The following KCNQ1 variants were observed in gnomAD, a reference collection of about 807,000 sequenced individuals.
KCNQ1 encodes potassium voltage-gated channel subfamily Q member 1.
Under a neutral mutation model 72.4 loss-of-function variants are expected in KCNQ1, and 49 were observed. The ratio of observed to expected loss-of-function variants is 0.68; its 90% CI spans 0.54 to 0.86. KCNQ1 has a LOEUF of 0.86. Ranked by LOEUF, KCNQ1 falls within the 40% of genes least tolerant of loss-of-function variation. The pLI, the probability that KCNQ1 is intolerant of heterozygous loss-of-function variation, is 0.00. For missense variants in KCNQ1, 790 were observed against 945.1 expected (o/e 0.84, Z 2.15); for synonymous variants, 450 against 412.6 (o/e 1.09, Z -1.10).
intron 11 of KCNQ1, chr11:2,684,504 C>T: frequency 2.5e-6 from 1 of 398,660 alleles, no homozygotes; most frequent in Non-Finnish European, 4.4e-6. Flanking sequence ...TTCTATTCCT[C>T]CTATTCCACT....
At chr11:2,560,307 C>T (rs1274939486) in intron 2 of KCNQ1, among the ~76,000 whole-genome samples, 1 of 45,830 alleles carries the variant, frequency 2.2e-5, no homozygotes, top group African/African-American at 9.7e-5. Context: ...GGGGCGGTGA[C>T]GTCCATCCTG....
chr11:2,720,739 A>C lies in KCNQ1; in HGVS notation c.1515-48105A>C, dbSNP rs1851188427. 6.6e-6 allele frequency among the ~76,000 whole-genome samples: 1 copy of C among 152,084 alleles called. No homozygotes were observed. Among genetic ancestry groups the C allele is most frequent in the South Asian group, 2.1e-4 (1 of 4,808 alleles). On this transcript the variant is annotated intron_variant, in intron 11 of 15. Transcript: ENST00000155840. This position sits in a 1 kb window ranked among gnomAD's most constrained non-coding sequence, Gnocchi z 5.1. Reference sequence around the variant, plus strand: ...CTCCCAGAACCTAGGAGTCCATGCTACCTGTGGGGTTCATAGTGTGTCCCT... The same window carrying C: ...CTCCCAGAACCTAGGAGTCCATGCTCCCTGTGGGGTTCATAGTGTGTCCCT...
intron 10 of KCNQ1, chr11:2,640,512 C>T (rs1849556315): frequency 2.5e-6 from 1 of 397,888 alleles, no homozygotes; most frequent in South Asian, 1.3e-4. Flanking sequence ...TCTTGAATTC[C>T]TGGGCTCAAG....
rs1319581421 is a variant in KCNQ1 at position 2,784,779 on chromosome 11, G to C, written c.1794+6742G>C. Among the ~76,000 whole-genome samples the C allele has an allele frequency of 1.3e-5, 2 of 151,826 alleles. No individual in the cohort carries two copies. Among genetic ancestry groups the C allele is most frequent in the Non-Finnish European group, 3.0e-5 (2 of 67,796 alleles). ...ACATTTACTCCTAAATATTTTATTT[G>C]TCATGCTAGTGTTAATGGAATTGTT... On this transcript the variant is annotated intron_variant, in intron 15 of 15. Coordinates refer to ENST00000155840, the MANE Select transcript of KCNQ1 (RefSeq NM_000218.3). The surrounding 1 kb of genome is among the most constrained non-coding windows in gnomAD (Gnocchi z 4.7).
intron 15 of KCNQ1, 98 bp from the exon 16 acceptor site, chr11:2,847,669 C>T: frequency 8.7e-7 from 1 of 1,153,048 alleles, no homozygotes; most frequent in Non-Finnish European, 1.3e-6. Flanking sequence ...AGACGGTTGG[C>T]ACCTTCCCTT....
chr11:2,770,290 T>C (rs949915014), intron 12 of KCNQ1, among the ~76,000 whole-genome samples: 10 of 152,194 alleles, frequency 6.6e-5, no homozygotes, highest in African/African-American at 2.2e-4. Context: ...CAGGCAGCCC[T>C]GGGCAAGTTC....
At chr11:2,632,203 AG>A (rs1849369057) in intron 10 of KCNQ1, 6 of 397,372 alleles carry the variant, frequency 1.5e-5, no homozygotes, top group South Asian at 1.3e-4. Context: ...AAAAAAAAAA[AG>A]AAATGCAACT....
At chr11:2,583,968 C>T (rs1300731590) in intron 7 of KCNQ1, among the ~76,000 whole-genome samples, 1 of 152,110 alleles carries the variant, frequency 6.6e-6, no homozygotes, top group Non-Finnish European at 1.5e-5. Flanking sequence ...GTGTCTAGTT[C>T]ACAATGCCTG....
intron 6 of KCNQ1, among the ~76,000 whole-genome samples, chr11:2,580,259 G>C (rs59171663): frequency 0.059 from 8,890 of 151,692 alleles, 834 homozygotes; most frequent in African/African-American, 0.2. Context: ...CGGCTGCCTC[G>C]GGAGGCAGCC....
At chr11:2,831,230 G>A (rs970138697) in intron 15 of KCNQ1, among the ~76,000 whole-genome samples, 6 of 152,216 alleles carry the variant, frequency 3.9e-5, no homozygotes, top group African/African-American at 1.4e-4. Flanking sequence ...AGGGCAGGAT[G>A]TCCCTGAGGA....
chr11:2,573,783 C>T (rs935779269), intron 6 of KCNQ1, among the ~76,000 whole-genome samples: 2 of 152,134 alleles, frequency 1.3e-5, no homozygotes, highest in South Asian at 4.1e-4. Flanking sequence ...TGTCTTGGGC[C>T]GTGTCTGTGG....
rs1848396493 is a variant in KCNQ1, at chr11:2,848,764, G to C, written c.*761G>C. 1 of 453,972 alleles carries C rather than the reference G, an allele frequency of 2.2e-6. No individual in the cohort carries two copies. The highest frequency in any genetic ancestry group is 2.0e-5 in the African/African-American group (1 of 49,992). 28.1% of individuals were successfully genotyped at this position (453,972 alleles called of 1,614,324 possible). On this transcript the variant is annotated 3_prime_UTR_variant, in exon 16 of 16. Coordinates refer to ENST00000155840, the MANE Select transcript of KCNQ1 (RefSeq NM_000218.3). ...GCTCCCGCCTCCAACCCCTCGCCCA[G>C]TCCCAGCAGCCAGCCAAACACACAG...
intron 1 of KCNQ1, among the ~76,000 whole-genome samples, chr11:2,466,163 G>A (rs1165842052): frequency 1.3e-5 from 2 of 152,220 alleles, no homozygotes; most frequent in Non-Finnish European, 2.9e-5. Context: ...AGCTGGAACA[G>A]TGACCTTCGT....
In KCNQ1 at chr11:2,507,632, A is replaced by T. The variant is rs999837048; in HGVS notation, c.387-20296A>T. ...ACATGTTATTTTGGAGGTGTTTGTG[A>T]GGCAGCCAGGTGAGGTGGGTTGAAG... On this transcript the variant is annotated intron_variant, in intron 1 of 15. Coordinates refer to ENST00000155840, the MANE Select transcript of KCNQ1 (RefSeq NM_000218.3). The surrounding 1 kb of genome is among the most constrained non-coding windows in gnomAD (Gnocchi z 5.4). Among the ~76,000 whole-genome samples, 1 of 152,064 alleles carries T rather than the reference A, an allele frequency of 6.6e-6. No homozygotes were observed. The highest frequency in any genetic ancestry group is 1.9e-4 in the East Asian group (1 of 5,178).
chr11:2,708,658 AG>A (rs1240439236), intron 11 of KCNQ1, among the ~76,000 whole-genome samples: 1 of 152,068 alleles, frequency 6.6e-6, no homozygotes, highest in Non-Finnish European at 1.5e-5. Context: ...GCAAGAGGTG[AG>A]GGTTTCAGGC....
intron 1 of KCNQ1, among the ~76,000 whole-genome samples, chr11:2,465,612 C>T (rs1187379975): frequency 1.3e-5 from 2 of 152,324 alleles, no homozygotes; most frequent in South Asian, 2.1e-4. Context: ...ACCTTGCTCA[C>T]GCTAGGTGCC....
At chr11:2,780,538 G>A (rs560351002) in intron 15 of KCNQ1, among the ~76,000 whole-genome samples, 92 of 152,306 alleles carry the variant, frequency 6.0e-4, no homozygotes, top group Non-Finnish European at 1.0e-3. Flanking sequence ...GCTGCCTGCC[G>A]GAAGGGAGTC....
intron 15 of KCNQ1, among the ~76,000 whole-genome samples, chr11:2,797,566 C>A (rs233441): frequency 1.3e-5 from 2 of 151,996 alleles, no homozygotes; most frequent in Non-Finnish European, 2.9e-5. Context: ...ACCCTTGCTC[C>A]GGAGCTCGAG....
intron 10 of KCNQ1, among the ~76,000 whole-genome samples, chr11:2,604,933 G>C (rs1034011091): frequency 4.9e-4 from 74 of 152,192 alleles, no homozygotes; most frequent in African/African-American, 1.8e-3. Flanking sequence ...CACTGCGCAA[G>C]TTCTCCATAT....
Sources: allele counts gnomAD v4.1 joint callset (sites outside exome capture counted in the v4.1 genomes callset), GRCh38; gene constraint gnomAD v4.1.1; non-coding constraint Gnocchi (gnomAD v3.1); transcripts MANE v1.5; gene names NCBI Gene and HGNC (gene_info 2026-07-23, HGNC 2026-07-21).